IDI2: variants seen among roughly 807,000 people sequenced by gnomAD.
IDI2 encodes isopentenyl-diphosphate delta isomerase 2.
IDI2 carries 18 observed loss-of-function variants against 14.8 expected under a neutral mutation model. The ratio of observed to expected loss-of-function variants is 1.22; its 90% CI spans 0.84 to 1.80. The LOEUF is 1.80. Ranked by LOEUF, IDI2 falls within the 40% of genes most tolerant of loss-of-function variation. IDI2 has a pLI of 0.00. For missense variants in IDI2, 316 were observed against 283.2 expected (o/e 1.12, Z -0.83); for synonymous variants, 133 against 109.6 (o/e 1.21, Z -1.33).
intron 1 of IDI2, among the ~76,000 whole-genome samples, chr10:1,025,178 C>T (rs769267026): frequency 1.3e-5 from 2 of 152,140 alleles, no homozygotes; most frequent in Admixed American, 6.5e-5. Context: ...AGGAAAGCTA[C>T]GTCACCCACA....
intron 4 of IDI2, 87 bp downstream of exon 4, chr10:1,020,680 G>T: frequency 7.3e-7 from 1 of 1,370,590 alleles, no homozygotes; most frequent in Non-Finnish European, 1.0e-6. Context: ...GGTCAATGGT[G>T]TAGATCCAGC....
intron 3 of IDI2, 119 bp from the exon 4 acceptor site, chr10:1,021,016 G>C: frequency 8.7e-7 from 1 of 1,150,868 alleles, no homozygotes; most frequent in Non-Finnish European, 1.2e-6. Flanking sequence ...CAGCCTGGCG[G>C]GGGGAGTGGG....
chr10:1,019,427 C>T lies in IDI2; in HGVS notation c.*90G>A. 3 of 1,034,688 alleles carry T rather than the reference C, an allele frequency of 2.9e-6. No homozygotes were observed. The highest frequency in any genetic ancestry group is 3.0e-4 in the Middle Eastern group (1 of 3,386). 64.1% of individuals were successfully genotyped at this position (1,034,688 alleles called of 1,614,324 possible). Reference sequence around the variant, plus strand: ...TGGGCAATCAAGTGCCCCTTTTGCCCTGTTTTTTGGAGAGGGTGTATCATT... The same window carrying T: ...TGGGCAATCAAGTGCCCCTTTTGCCTTGTTTTTTGGAGAGGGTGTATCATT... On this transcript the variant is annotated 3_prime_UTR_variant, in exon 5 of 5. Coordinates refer to ENST00000277517, the MANE Select transcript of IDI2 (RefSeq NM_033261.3).
chr10:1,024,870 A>G (rs944364876), intron 1 of IDI2, 126 bp from the exon 2 acceptor site: 2 of 845,222 alleles, frequency 2.4e-6, no homozygotes, highest in African/African-American at 3.4e-5. Flanking sequence ...ATTGTGTTGA[A>G]GCAGCACAGT....
intron 1 of IDI2, 140 bp downstream of exon 1, chr10:1,025,676 T>C (rs1441735195): frequency 6.6e-6 from 1 of 152,192 alleles, no homozygotes; most frequent in East Asian, 1.9e-4. Flanking sequence ...AGCAATCTGC[T>C]CCTCCTCTTT....
chr10:1,020,743 G>A lies in IDI2; in HGVS notation c.366+24C>T, dbSNP rs200761179. The A allele has an allele frequency of 9.4e-5, 150 of 1,598,884 alleles. No individual in the cohort carries two copies. The African/African-American group carries it at 1.8e-3, about 19-fold the overall frequency. Reference sequence around the variant, plus strand: ...GCCAACCTGGACTCCCGTGGACACAGCTGAGACTGGATGCTGTGTGTACCT... The same window carrying A: ...GCCAACCTGGACTCCCGTGGACACAACTGAGACTGGATGCTGTGTGTACCT... On this transcript the variant is annotated intron_variant, in intron 4 of 4. Transcript: ENST00000277517.
In IDI2 at chr10:1,019,320, T is replaced by G. The variant is rs2132180656; in HGVS notation, c.*197A>C. On this transcript the variant is annotated 3_prime_UTR_variant, in exon 5 of 5. Transcript: ENST00000277517. ...AATTTCCTCCCTGCAACCAGGCAGA[T>G]GAGAAATATGGAAATAAGGAAAAGG... 5.6e-6 allele frequency: 3 copies of G among 540,156 alleles called. No homozygotes were observed. Among genetic ancestry groups the G allele is most frequent in the Non-Finnish European group, 6.5e-6 (2 of 306,640 alleles). The allele number at this position is 540,156 out of a possible 1,614,324, so 33.5% of individuals were successfully genotyped here. A position where few individuals can be genotyped will look rare whatever the true frequency, so the allele number is the denominator to read the frequency against.
chr10:1,021,812 G>T (rs1158563786), intron 3 of IDI2, among the ~76,000 whole-genome samples: 1 of 152,206 alleles, frequency 6.6e-6, no homozygotes, highest in Non-Finnish European at 1.5e-5. Flanking sequence ...CGGCTCCGAG[G>T]AAGAACTAAG....
rs1832053978 is a variant in IDI2 at position 1,019,629 on chromosome 10, A to G, written c.572T>C (p.Val191Ala). The G allele has an allele frequency of 6.2e-7, 1 of 1,613,922 alleles. No homozygotes were observed. The highest frequency in any genetic ancestry group is 1.3e-5 in the African/African-American group (1 of 74,992). ...GGTTCTTAGCCAGGGGGTGACTTTG[A>G]CTTCACCCCTCGCCTCCCTCTCCAG... ...ELLEREARGE[V>A]KVTPWLRTIA... is the part of the protein sequence containing the mutation. The change falls in exon 5 of 5, where the codon GTC (valine) becomes GCC (alanine). Residue 191 changes from valine to alanine, a missense_variant. Physicochemically the swap from Val to Ala is moderately conservative, Grantham distance 64. Coordinates refer to ENST00000277517, the MANE Select transcript of IDI2 (RefSeq NM_033261.3).
At position 1,019,634 on chromosome 10, in the gene IDI2, AC is replaced by A. The variant is rs41294968; in HGVS notation, c.566del (p.Gly189ValfsTer9). 6.2e-7 allele frequency: 1 copy of A among 1,613,734 alleles called. No homozygotes were observed. The stretch of plus-strand genomic sequence containing the variant: ...TTAGCCAGGGGGTGACTTTGACTTC[AC>A]CCCTCGCCTCCCTCTCCAGCAGCTC... ...LWELLEREAR[G>X]EVKVTPWLRT... On this transcript the variant is annotated frameshift_variant, in exon 5 of 5. Transcript: ENST00000277517. LOFTEE classifies it low-confidence loss of function (END_TRUNC).
In IDI2 at chr10:1,020,914, TGG is replaced by T; in HGVS notation, c.236-19_236-18del. 1 of 1,606,174 alleles carries T rather than the reference TGG, an allele frequency of 6.2e-7. No homozygotes were observed. The highest frequency in any genetic ancestry group is 8.5e-7 in the Non-Finnish European group (1 of 1,176,854). ...TAAAATACCCTGGAAAAAATGCATGTGGGAACATCCCTCTTTATTCCTGAAAA... is the reference window on the plus strand; with the variant it reads ...TAAAATACCCTGGAAAAAATGCATGTGAACATCCCTCTTTATTCCTGAAAA... On this transcript the variant is annotated intron_variant, in intron 3 of 4. Transcript: ENST00000277517.
Position 1,022,076 on chromosome 10 carries a change from G to T in IDI2, c.235+607C>A, listed in dbSNP as rs552835777. ...AGATCGAGACCATCCTGGCTAACAC[G>T]GTGAAACCCCGTCTCTACTAAAAAT... On this transcript the variant is annotated intron_variant, in intron 3 of 4. Coordinates refer to ENST00000277517, the MANE Select transcript of IDI2 (RefSeq NM_033261.3). Among the ~76,000 whole-genome samples, 7 of 152,222 alleles carry T rather than the reference G, an allele frequency of 4.6e-5. No individual in the cohort carries two copies. In the South Asian group the frequency reaches 1.0e-3, roughly 23 times the overall value.
chr10:1,023,842 TATG>T (rs1832162783), intron 2 of IDI2, among the ~76,000 whole-genome samples: 1 of 152,204 alleles, frequency 6.6e-6, no homozygotes, highest in Non-Finnish European at 1.5e-5. Context: ...AACACAAAGA[TATG>T]ATGAATGTTT....
At position 1,019,247 on chromosome 10, in the gene IDI2, A is replaced by G; in HGVS notation, c.*270T>C. The G allele has an allele frequency of 2.8e-6, 1 of 358,094 alleles. No individual in the cohort carries two copies. Among genetic ancestry groups the G allele is most frequent in the Non-Finnish European group, 5.1e-6 (1 of 195,438 alleles). 22.2% of individuals were successfully genotyped at this position (358,094 alleles called of 1,614,324 possible). On this transcript the variant is annotated 3_prime_UTR_variant, in exon 5 of 5. Transcript: ENST00000277517. Reference sequence around the variant, plus strand: ...AAGACTTTCAGGATCAGCTGCTGTTAATCAAACAAGTGCTTATAAAATGGA... The same window carrying G: ...AAGACTTTCAGGATCAGCTGCTGTTGATCAAACAAGTGCTTATAAAATGGA...
chr10:1,019,578 C>A lies in IDI2; in HGVS notation c.623G>T (p.Trp208Leu). 6.2e-7 allele frequency: 1 copy of A among 1,614,052 alleles called. No homozygotes were observed. The highest frequency in any genetic ancestry group is 1.1e-5 in the South Asian group (1 of 91,068). ...RTIAERFLYR[W>L]WPHLDDVTPF... ...GGTCACGTCATCCAGGTGAGGCCACCACCGGTACAGAAACCTCTCGGCAAT... is the reference window on the plus strand; with the variant it reads ...GGTCACGTCATCCAGGTGAGGCCACAACCGGTACAGAAACCTCTCGGCAAT... The change falls in exon 5 of 5, where the codon TGG becomes TTG. Residue 208 changes from tryptophan to leucine, a missense_variant. Physicochemically the swap from Trp to Leu is moderately conservative, Grantham distance 61. Coordinates refer to ENST00000277517, the MANE Select transcript of IDI2 (RefSeq NM_033261.3).
In IDI2 at chr10:1,019,360, G is replaced by A. The variant is rs1208652195; in HGVS notation, c.*157C>T. The A allele has an allele frequency of 4.6e-5, 26 of 570,496 alleles. No individual in the cohort carries two copies. The highest frequency in any genetic ancestry group is 7.3e-5 in the Non-Finnish European group (24 of 327,210). The allele number at this position is 570,496 out of a possible 1,614,324, so 35.3% of individuals were successfully genotyped here. A position where few individuals can be genotyped will look rare whatever the true frequency, so the allele number is the denominator to read the frequency against. On this transcript the variant is annotated 3_prime_UTR_variant, in exon 5 of 5. Transcript: ENST00000277517. ...TAAGGAAAAGGGAAAATGAAGATAT[G>A]ACAAAGTTGATGAAAAGGTTGAAAT...
chr10:1,021,988 G>A (rs768555121), intron 3 of IDI2, among the ~76,000 whole-genome samples: 17 of 152,182 alleles, frequency 1.1e-4, no homozygotes, highest in East Asian at 3.8e-4. Context: ...GGCCGGGCCC[G>A]GTGGCTCACG....
In IDI2 at chr10:1,019,058, T is replaced by TA. The variant is rs1018266227; in HGVS notation, c.*458dup. On this transcript the variant is annotated 3_prime_UTR_variant, in exon 5 of 5. Coordinates refer to ENST00000277517, the MANE Select transcript of IDI2 (RefSeq NM_033261.3). ...TGCAAGATTGAATGTGTCTTTTTTT[T>TA]AAAAATGCAGCCTTGTGTTGCACTC... 8.3e-5 allele frequency: 13 copies of TA among 157,214 alleles called. No individual in the cohort carries two copies. Among genetic ancestry groups the TA allele is most frequent in the Non-Finnish European group, 1.7e-4 (12 of 71,314 alleles). The allele number at this position is 157,214 out of a possible 1,614,324, so 9.7% of individuals were successfully genotyped here.
chr10:1,020,860 G>A lies in IDI2; in HGVS notation c.273C>T (p.Tyr91=), dbSNP rs762731455. The A allele has an allele frequency of 1.7e-5, 28 of 1,613,926 alleles. No homozygotes were observed. The highest frequency in any genetic ancestry group is 2.4e-5 in the Non-Finnish European group (28 of 1,179,892). ...CCTTTTCTTCCAGTTCTGCTGGGTT[G>A]TATAATGGGTGGCTACTACAGGAGT... ...FTDSCSSHPL[Y]NPAELEEKDA... The change falls in exon 4 of 5, where the codon TAC becomes TAT. Residue 91 remains tyrosine (Y), a synonymous_variant. Transcript: ENST00000277517.
Sources: allele counts gnomAD v4.1 joint callset (sites outside exome capture counted in the v4.1 genomes callset), GRCh38; gene constraint gnomAD v4.1.1; transcripts MANE v1.5; gene names NCBI Gene and HGNC (gene_info 2026-07-23, HGNC 2026-07-21).